CFAP96: variants seen among roughly 807,000 people sequenced by gnomAD.
The protein encoded by CFAP96 is cilia-and flagella-associated protein 96.
At chr4:185,442,445 A>G in the CFAP96 span, among the ~76,000 whole-genome samples, 2 of 152,162 alleles carry the variant, frequency 1.3e-5, no homozygotes, top group South Asian at 2.1e-4. Context: ...TTTCCCCATC[A>G]TATTTTCCTT....
chr4:185,434,127 C>T, the CFAP96 span, among the ~76,000 whole-genome samples: 4 of 151,796 alleles, frequency 2.6e-5, no homozygotes, highest in Admixed American at 1.3e-4. Flanking sequence ...GCGGAGGTTG[C>T]AGGGAACACT....
the CFAP96 span, chr4:185,413,843 G>A: frequency 8.1e-6 from 13 of 1,610,282 alleles, no homozygotes; most frequent in African/African-American, 5.4e-5. Flanking sequence ...AGGGTCTGTC[G>A]TGAGGCAGAT....
the CFAP96 span, chr4:185,445,337 G>C: frequency 1.4e-6 from 1 of 725,562 alleles, no homozygotes; most frequent in Admixed American, 2.9e-5. Flanking sequence ...AGCTGAGAAA[G>C]CTTAAGTTAT....
At chr4:185,411,666 G>A in the CFAP96 span, among the ~76,000 whole-genome samples, 1 of 152,026 alleles carries the variant, frequency 6.6e-6, no homozygotes, top group Non-Finnish European at 1.5e-5. Flanking sequence ...TGGTTCAGAG[G>A]GGGAAAAAAG....
the CFAP96 span, among the ~76,000 whole-genome samples, chr4:185,410,697 A>G: frequency 6.6e-6 from 1 of 151,678 alleles, no homozygotes; most frequent in Admixed American, 6.6e-5. Context: ...CTGTAATCCC[A>G]GCACTTTGGG....
the CFAP96 span, among the ~76,000 whole-genome samples, chr4:185,430,937 C>T: frequency 7.4e-5 from 11 of 147,874 alleles, no homozygotes; most frequent in Admixed American, 7.4e-4. Flanking sequence ...ACTGGCCAGG[C>T]GTGGTGGCTC....
the CFAP96 span, among the ~76,000 whole-genome samples, chr4:185,448,589 G>A: frequency 6.6e-6 from 1 of 152,252 alleles, no homozygotes; most frequent in East Asian, 1.9e-4. Context: ...TTAAACTGTT[G>A]TCTACAGGAA....
chr4:185,412,481 A>G, the CFAP96 span, among the ~76,000 whole-genome samples: 2 of 152,258 alleles, frequency 1.3e-5, no homozygotes, highest in African/African-American at 2.4e-5. Context: ...GGACGCTCAG[A>G]AGGTATTAAT....
chr4:185,434,364 A>G, the CFAP96 span, among the ~76,000 whole-genome samples: 3 of 122,252 alleles, frequency 2.5e-5, no homozygotes, highest in South Asian at 1.0e-3. Context: ...TTTCTTGGAT[A>G]TAAATTTAAA....
At chr4:185,448,772 C>G in the CFAP96 span, among the ~76,000 whole-genome samples, 1 of 152,150 alleles carries the variant, frequency 6.6e-6, no homozygotes, top group Non-Finnish European at 1.5e-5. Flanking sequence ...ATAGATGGAA[C>G]TTTGTGTGTG....
the CFAP96 span, chr4:185,415,626 T>C: frequency 8.3e-7 from 1 of 1,211,810 alleles, no homozygotes; most frequent in Non-Finnish European, 1.1e-6. Flanking sequence ...AATCACACCT[T>C]AGGTATACCT....
the CFAP96 span, among the ~76,000 whole-genome samples, chr4:185,448,111 C>T: frequency 6.6e-6 from 1 of 150,974 alleles, no homozygotes; most frequent in East Asian, 2.0e-4. Context: ...ACCTCTGCCT[C>T]CCAGGTTCAA....
chr4:185,436,293 T>C, the CFAP96 span: 1 of 1,551,176 alleles, frequency 6.4e-7, no homozygotes, highest in South Asian at 1.2e-5. Flanking sequence ...GCTATGCAAA[T>C]ATTACCATAG....
the CFAP96 span, chr4:185,415,451 AC>A: frequency 9.7e-7 from 1 of 1,030,086 alleles, no homozygotes; most frequent in Non-Finnish European, 1.4e-6. Flanking sequence ...ACTTGATTGG[AC>A]CAGGTTTGCT....
the CFAP96 span, among the ~76,000 whole-genome samples, chr4:185,421,075 T>C: frequency 6.6e-6 from 1 of 152,218 alleles, no homozygotes; most frequent in African/African-American, 2.4e-5. Flanking sequence ...GATTTAGTCC[T>C]AGTAAAATGG....
At chr4:185,431,347 T>C in the CFAP96 span, among the ~76,000 whole-genome samples, 1 of 152,202 alleles carries the variant, frequency 6.6e-6, no homozygotes. Flanking sequence ...ATCTAAATTA[T>C]GAAAGAAGTT....
chr4:185,432,216 G>C, the CFAP96 span: 3 of 1,541,808 alleles, frequency 1.9e-6, no homozygotes. Flanking sequence ...GTGTTTTTTG[G>C]GAAAAGTCTT....
the CFAP96 span, among the ~76,000 whole-genome samples, chr4:185,436,712 AAAT>A: frequency 0.068 from 9,726 of 144,070 alleles, 550 homozygotes; most frequent in African/African-American, 0.15. Context: ...TCCGTCTCAA[AAAT>A]AATAATAATA....
At chr4:185,425,821 G>C in the CFAP96 span, 1 of 1,593,442 alleles carries the variant, frequency 6.3e-7, no homozygotes, top group East Asian at 2.3e-5. Context: ...GGCTGCCAAA[G>C]TCCGGGGAAA....
Sources: gnomAD v4.1 joint callset for allele counts (sites outside exome capture counted in the v4.1 genomes callset) on GRCh38, gnomAD v4.1.1 for gene constraint, MANE v1.5 for transcripts, NCBI Gene and HGNC (gene_info 2026-07-23, HGNC 2026-07-21) for gene names.